MIA2: variants seen among roughly 807,000 people sequenced by gnomAD.
The protein encoded by MIA2 is MIA SH3 domain ER export factor 2.
A neutral mutation model predicts 167.8 loss-of-function variants in MIA2; 127 were observed. The observed-to-expected ratio is 0.76, with a 90% CI of 0.66 to 0.88. MIA2 has a LOEUF of 0.88. Ranked by LOEUF, MIA2 falls within the 40% of genes least tolerant of loss-of-function variation. The pLI is 0.00. For synonymous variants in MIA2, 552 were observed against 541.9 expected, an observed-to-expected ratio of 1.02 and a Z score of -0.26; for missense variants, 1,690 against 1,624.7, an observed-to-expected ratio of 1.04 and a Z score of -0.69.
intron 25 of MIA2, among the ~76,000 whole-genome samples, chr14:39,338,352 A>C (rs970042518): frequency 1.3e-5 from 2 of 152,180 alleles, no homozygotes; most frequent in African/African-American, 4.8e-5. Flanking sequence ...CTGTGAATCT[A>C]TTTTAAAATA....
intron 25 of MIA2, among the ~76,000 whole-genome samples, chr14:39,337,684 C>T (rs2070756296): frequency 6.6e-6 from 1 of 151,976 alleles, no homozygotes; most frequent in African/African-American, 2.4e-5. Context: ...AAACCAGTCT[C>T]AAAAGTTTAC....
intron 4 of MIA2, among the ~76,000 whole-genome samples, chr14:39,250,922 A>C (rs957377665): frequency 6.6e-6 from 1 of 151,984 alleles, no homozygotes; most frequent in East Asian, 1.9e-4. Context: ...CCAAAACACT[A>C]CAATATTAAA....
chr14:39,337,793 C>T (rs1159255037), intron 25 of MIA2, among the ~76,000 whole-genome samples: 1 of 152,018 alleles, frequency 6.6e-6, no homozygotes, highest in East Asian at 1.9e-4. Flanking sequence ...TCTCGGCTCA[C>T]TGCAACCTCT....
At chr14:39,385,409 C>A (rs1400542228) in intron 23 of MIA2, 21 of 1,306,704 alleles carry the variant, frequency 1.6e-5, no homozygotes, top group South Asian at 1.3e-4. Context: ...CAGGCAGGTT[C>A]TGTACTTGAT....
intron 6 of MIA2, chr14:39,266,661 G>C (rs886290901): frequency 1.0e-6 from 1 of 985,606 alleles, no homozygotes; most frequent in Non-Finnish European, 1.2e-6. Context: ...ACCGGCGCGT[G>C]CCCCGCAGGC....
At chr14:39,314,154 G>T (rs973276455) in intron 19 of MIA2, among the ~76,000 whole-genome samples, 4 of 152,164 alleles carry the variant, frequency 2.6e-5, no homozygotes, top group Admixed American at 2.6e-4. Context: ...GGGAGGCCAA[G>T]GTGGGTGGAT....
intron 23 of MIA2, among the ~76,000 whole-genome samples, chr14:39,381,028 A>C (rs373655413): frequency 7.2e-5 from 9 of 124,170 alleles, no homozygotes; most frequent in African/African-American, 9.2e-5. Context: ...AAAACAAAAA[A>C]AAAAAAAACA....
At chr14:39,340,222 T>A (rs377697202) in intron 25 of MIA2, among the ~76,000 whole-genome samples, 4 of 152,202 alleles carry the variant, frequency 2.6e-5, no homozygotes, top group African/African-American at 9.7e-5. Context: ...TCTCCTTATT[T>A]TTGTTGGTGC....
chr14:39,234,398 G>A (rs2053638611), intron 1 of MIA2, among the ~76,000 whole-genome samples, 169 bp downstream of exon 1: 1 of 152,166 alleles, frequency 6.6e-6, no homozygotes, highest in Non-Finnish European at 1.5e-5. Context: ...AAAGCATTTT[G>A]TGGTAGTATT....
At position 39,291,017 on chromosome 14, in the gene MIA2, A is replaced by G. The variant is rs1452358065; in HGVS notation, c.2131-2A>G. ...TTTACTTGTGATGTTGCTTTGTTTC[A>G]GTATGAAGGCTATGAAGTAGAGTCA... On this transcript the variant is annotated splice_acceptor_variant, in intron 9 of 28. Transcript: ENST00000640607. LOFTEE classifies it high-confidence loss of function. The G allele has an allele frequency of 6.2e-6, 10 of 1,602,954 alleles. No individual in the cohort carries two copies. The highest frequency in any genetic ancestry group is 1.7e-4 in the Middle Eastern group (1 of 6,046).
chr14:39,283,388 T>A (rs988934309), intron 9 of MIA2, among the ~76,000 whole-genome samples: 3 of 152,206 alleles, frequency 2.0e-5, no homozygotes, highest in Non-Finnish European at 4.4e-5. Flanking sequence ...CCTTGATAGA[T>A]GGTTGAAAAT....
chr14:39,367,039 G>T (rs1335862609), intron 23 of MIA2, among the ~76,000 whole-genome samples: 2 of 152,200 alleles, frequency 1.3e-5, no homozygotes, highest in Admixed American at 6.5e-5. Context: ...GGAAAGCCAC[G>T]CAGTTGTGCT....
rs543081411 is a variant in MIA2 at position 39,342,397 on chromosome 14, A to C, written c.3656-3507A>C. 8.5e-5 allele frequency among the ~76,000 whole-genome samples: 13 copies of C among 152,216 alleles called. No individual in the cohort carries two copies. The South Asian group carries it at 2.7e-3, about 32-fold the overall frequency. On this transcript the variant is annotated intron_variant, in intron 25 of 28. Transcript: ENST00000640607. ...TGGTGTATATGTGCCACATTTTCTT[A>C]ATCCAGTCTATCGTTGTTGGACATT... is the stretch of plus-strand genomic sequence containing the variant.
At chr14:39,367,493 A>G (rs1156683201) in intron 23 of MIA2, among the ~76,000 whole-genome samples, 1 of 152,202 alleles carries the variant, frequency 6.6e-6, no homozygotes, top group African/African-American at 2.4e-5. Flanking sequence ...TCCTTATGCT[A>G]GCTAGTCTGA....
chr14:39,321,310 T>C (rs2066388367), intron 24 of MIA2, among the ~76,000 whole-genome samples: 1 of 152,098 alleles, frequency 6.6e-6, no homozygotes. Flanking sequence ...ATTTTTCTTT[T>C]TAATTTTAAT....
chr14:39,300,965 C>CGT (rs1566818480), intron 14 of MIA2, among the ~76,000 whole-genome samples: 1 of 140,798 alleles, frequency 7.1e-6, no homozygotes, highest in East Asian at 2.0e-4. Context: ...TACATATACA[C>CGT]ATATATACAC....
intron 6 of MIA2, chr14:39,267,026 G>A (rs1001740274): frequency 5.0e-6 from 5 of 1,003,028 alleles, no homozygotes; most frequent in African/African-American, 1.7e-5. Flanking sequence ...ACCAGGGCTG[G>A]GTGGCTTCGC....
In MIA2 at chr14:39,342,474, G is replaced by A. The variant is rs974213142; in HGVS notation, c.3656-3430G>A. Among the ~76,000 whole-genome samples, 7 of 152,242 alleles carry A rather than the reference G, an allele frequency of 4.6e-5. 1 individual carries two copies. Among genetic ancestry groups the A allele is most frequent in the Admixed American group, 1.3e-4 (2 of 15,288 alleles). The stretch of plus-strand genomic sequence containing the variant: ...GTGAATAGTGCCTCAATAAACATAT[G>A]TGTGCATGTGTCTTTATAGCAGCAT... On this transcript the variant is annotated intron_variant, in intron 25 of 28. Transcript: ENST00000640607.
At chr14:39,381,860 A>G (rs1275563335) in intron 23 of MIA2, among the ~76,000 whole-genome samples, 1 of 135,502 alleles carries the variant, frequency 7.4e-6, no homozygotes, top group Non-Finnish European at 1.6e-5. Context: ...AACAAGAACA[A>G]TTAAACAACA....
Sources: gnomAD v4.1 joint callset for allele counts (sites outside exome capture counted in the v4.1 genomes callset) on GRCh38, gnomAD v4.1.1 for gene constraint, MANE v1.5 for transcripts, NCBI Gene and HGNC (gene_info 2026-07-23, HGNC 2026-07-21) for gene names.